Variants in DMRT1 observed in about 807,000 individuals in gnomAD.
DMRT1 encodes the protein doublesex and mab-3 related transcription factor 1.
Under a neutral mutation model 32.3 loss-of-function variants are expected in DMRT1, and 7 were observed. The observed-to-expected ratio is 0.22, with a 90% CI of 0.12 to 0.41. The LOEUF (loss-of-function observed/expected upper bound fraction) is 0.41, where lower values mean the gene tolerates loss of function less well. Among genes scored for constraint, DMRT1 ranks in the 10% least tolerant of loss-of-function variants. The probability of loss-of-function intolerance (pLI) is 1.00; values close to 1 mark genes in which losing one functional copy is unlikely to be tolerated. For synonymous variants in DMRT1, 278 were observed against 206.1 expected, an observed-to-expected ratio of 1.35 and a Z score of -2.99; for missense variants, 625 against 500.5, an observed-to-expected ratio of 1.25 and a Z score of -2.37.
In DMRT1 at chr9:968,066, C is replaced by G. The variant is rs1016838055; in HGVS notation, c.1049C>G (p.Ala350Gly). 6.2e-7 allele frequency: 1 copy of G among 1,614,024 alleles called. No individual in the cohort carries two copies. Among genetic ancestry groups the G allele is most frequent in the Admixed American group, 1.7e-5 (1 of 60,000 alleles). The change falls in exon 5 of 5, where the codon GCA becomes GGA. Residue 350 changes from alanine to glycine, a missense_variant. Physicochemically the swap from Ala to Gly is moderately conservative, Grantham distance 60. Transcript: ENST00000382276. ...CCTATTAGTAACAAGAGCACAAAGGCAGTGCTTGAATGTGAGCCTGCGTCG... is the reference window on the plus strand; with the variant it reads ...CCTATTAGTAACAAGAGCACAAAGGGAGTGCTTGAATGTGAGCCTGCGTCG... ...SSPISNKSTK[A>G]VLECEPASEP...
At chr9:883,982 G>C (rs1420616887) in intron 2 of DMRT1, among the ~76,000 whole-genome samples, 1 of 152,108 alleles carries the variant, frequency 6.6e-6, no homozygotes, top group Non-Finnish European at 1.5e-5. Context: ...GTTACAAAGA[G>C]AAAATCTGGA....
In DMRT1 at chr9:915,224, G is replaced by T. The variant is rs10117219; in HGVS notation, c.823-1539G>T. Among the ~76,000 whole-genome samples the T allele has an allele frequency of 2.4e-3, 368 of 152,098 alleles. 2 individuals carry two copies. Among genetic ancestry groups the T allele is most frequent in the African/African-American group, 8.5e-3 (353 of 41,434 alleles). On this transcript the variant is annotated intron_variant, in intron 3 of 4. Transcript: ENST00000382276. Reference sequence around the variant, plus strand: ...ACTGAAGTCCAGCTCTGTTGTTGCCGTGAAGATGTGATCATGAGTTGAATG... The same window carrying T: ...ACTGAAGTCCAGCTCTGTTGTTGCCTTGAAGATGTGATCATGAGTTGAATG...
Position 877,465 on chromosome 9 carries a change from C to CT in DMRT1, c.539-16446dup, listed in dbSNP as rs766031084. Among the ~76,000 whole-genome samples, 108 of 152,254 alleles carry CT rather than the reference C, an allele frequency of 7.1e-4. 1 individual carries two copies. The highest frequency in any genetic ancestry group is 2.5e-3 in the South Asian group (12 of 4,824). ...CCTGTTTGCACCTTTTCTTTCCCTG[C>CT]TATTTATGTTGAAAAGCAAGCTAAA... On this transcript the variant is annotated intron_variant, in intron 2 of 4. Transcript: ENST00000382276.
intron 4 of DMRT1, among the ~76,000 whole-genome samples, chr9:966,772 A>G (rs1819943063): frequency 6.6e-6 from 1 of 152,244 alleles, no homozygotes; most frequent in South Asian, 2.1e-4. Context: ...GCATGGTAAT[A>G]TACCTTATTA....
chr9:851,484 C>T (rs898255596), intron 2 of DMRT1, among the ~76,000 whole-genome samples: 1 of 152,118 alleles, frequency 6.6e-6, no homozygotes, highest in African/African-American at 2.4e-5. Context: ...AATGATTGCC[C>T]GCCTCGGCCT....
At chr9:864,009 G>A (rs1313068069) in intron 2 of DMRT1, among the ~76,000 whole-genome samples, 1 of 152,002 alleles carries the variant, frequency 6.6e-6, no homozygotes, top group East Asian at 1.9e-4. Flanking sequence ...AGACTGGCGG[G>A]GGACAGACTG....
At chr9:849,977 T>A (rs557671800) in intron 2 of DMRT1, among the ~76,000 whole-genome samples, 15 of 152,262 alleles carry the variant, frequency 9.9e-5, no homozygotes, top group African/African-American at 3.6e-4. Context: ...GCATGCGCTA[T>A]CTGGCTAATT....
At chr9:870,709 C>CTCTTTTTTTTTTT (rs1816206857) in intron 2 of DMRT1, among the ~76,000 whole-genome samples, 2 of 69,560 alleles carry the variant, frequency 2.9e-5, no homozygotes, top group African/African-American at 1.3e-4. Flanking sequence ...ATTTTCTTGA[C>CTCTTTTTTTTTTT]TTTTTTTTTT....
At chr9:913,560 G>T (rs1818063440) in intron 3 of DMRT1, among the ~76,000 whole-genome samples, 1 of 151,682 alleles carries the variant, frequency 6.6e-6, no homozygotes, top group African/African-American at 2.4e-5. Flanking sequence ...CACTTTTCCA[G>T]TTCAGCTGGA....
chr9:867,112 G>A (rs1816025280), intron 2 of DMRT1, among the ~76,000 whole-genome samples: 1 of 152,048 alleles, frequency 6.6e-6, no homozygotes, highest in East Asian at 1.9e-4. Context: ...AAGAGGGAGA[G>A]AGATTATTTA....
chr9:845,236 G>T (rs934070917), intron 1 of DMRT1, among the ~76,000 whole-genome samples: 3 of 151,900 alleles, frequency 2.0e-5, no homozygotes, highest in Admixed American at 6.6e-5. Context: ...TTGAGACGGA[G>T]TCTTGCTCCA....
chr9:851,504 C>T (rs150898954), intron 2 of DMRT1, among the ~76,000 whole-genome samples: 30 of 152,292 alleles, frequency 2.0e-4, no homozygotes, highest in Middle Eastern at 3.4e-3. Flanking sequence ...TCCCAAAGTG[C>T]TGGGATTACA....
At chr9:877,272 G>C (rs899357761) in intron 2 of DMRT1, among the ~76,000 whole-genome samples, 5 of 152,148 alleles carry the variant, frequency 3.3e-5, no homozygotes, top group Admixed American at 2.6e-4. Flanking sequence ...TCGTTCCCAG[G>C]ATATACATAC....
chr9:949,351 C>G (rs182754990), intron 4 of DMRT1, among the ~76,000 whole-genome samples: 54 of 141,176 alleles, frequency 3.8e-4, no homozygotes, highest in Middle Eastern at 3.5e-3. Flanking sequence ...CCTGGGAGAG[C>G]AAGACCCTCT....
At position 842,230 on chromosome 9, in the gene DMRT1, G is replaced by GGTTTTTTTTTTTTT. The variant is rs1554739423; in HGVS notation, c.354+38_354+39insGTTTTTTTTTTTTT. On this transcript the variant is annotated intron_variant, in intron 1 of 4. Coordinates refer to ENST00000382276, the MANE Select transcript of DMRT1 (RefSeq NM_021951.3). ...GTGCGGGAGCCCGGGTTCAGCCTTA[G>GGTTTTTTTTTTTTT]TTTTTTTTTTTTTTTTTTTTTTTAG... 18 of 1,267,116 alleles carry GGTTTTTTTTTTTTT rather than the reference G, an allele frequency of 1.4e-5. No individual in the cohort carries two copies. In the African/African-American group the frequency reaches 3.0e-4, roughly 21 times the overall value. 78.5% of individuals were successfully genotyped at this position (1,267,116 alleles called of 1,614,324 possible).
chr9:906,692 T>C (rs1420931016), intron 3 of DMRT1, among the ~76,000 whole-genome samples: 4 of 152,204 alleles, frequency 2.6e-5, no homozygotes, highest in African/African-American at 9.6e-5. Flanking sequence ...TTTCTCATTT[T>C]CAGACAATCA....
At chr9:894,637 T>C (rs1817282021) in intron 3 of DMRT1, 1 of 279,248 alleles carries the variant, frequency 3.6e-6, no homozygotes, top group Non-Finnish European at 6.9e-6. Context: ...TGGGTGGCAG[T>C]AATCTGCGTG....
intron 2 of DMRT1, among the ~76,000 whole-genome samples, chr9:868,634 T>A (rs1816096898): frequency 6.6e-6 from 1 of 152,222 alleles, no homozygotes; most frequent in Admixed American, 6.5e-5. Flanking sequence ...TACAAGGTTA[T>A]CGTAGGTAGC....
At chr9:940,538 C>G (rs1267090165) in intron 4 of DMRT1, among the ~76,000 whole-genome samples, 1 of 151,978 alleles carries the variant, frequency 6.6e-6, no homozygotes, top group Non-Finnish European at 1.5e-5. Flanking sequence ...ATACCATATA[C>G]AAAAATTAAC....
Sources: gnomAD v4.1 joint callset for allele counts (sites outside exome capture counted in the v4.1 genomes callset) on GRCh38, gnomAD v4.1.1 for gene constraint, MANE v1.5 for transcripts, NCBI Gene and HGNC (gene_info 2026-07-23, HGNC 2026-07-21) for gene names.